Variants in FGF9 observed in about 807,000 individuals in gnomAD.
FGF9 encodes the protein fibroblast growth factor 9 (glia-activating factor).
A neutral mutation model predicts 19.9 loss-of-function variants in FGF9; 3 were observed. The observed-to-expected ratio is 0.15, with a 90% confidence interval of 0.07 to 0.39. The LOEUF (loss-of-function observed/expected upper bound fraction) is 0.39. Among genes scored for constraint, FGF9 ranks in the 10% least tolerant of loss-of-function variants. The pLI is 1.00. For synonymous variants in FGF9, 107 were observed against 106.9 expected (o/e 1.00, Z -0.01); for missense variants, 175 against 256.8 (o/e 0.68, Z 2.18).
chr13:21,672,575 T>C lies in FGF9; in HGVS notation c.277+386T>C, dbSNP rs1017400489. ...CTACTAAGAACTTAATGCAGTTTCTTGAAGGCAGTGGGTATCTTGTGCCCA... is the reference window on the plus strand; with the variant it reads ...CTACTAAGAACTTAATGCAGTTTCTCGAAGGCAGTGGGTATCTTGTGCCCA... On this transcript the variant is annotated intron_variant, in intron 1 of 2. Transcript: ENST00000382353. The surrounding 1 kb of genome is among the most constrained non-coding windows in gnomAD (Gnocchi z 4.2). Among the ~76,000 whole-genome samples the C allele has an allele frequency of 2.0e-5, 3 of 152,248 alleles. No individual in the cohort carries two copies. Among genetic ancestry groups the C allele is most frequent in the Non-Finnish European group, 4.4e-5 (3 of 68,022 alleles).
intron 2 of FGF9, among the ~76,000 whole-genome samples, chr13:21,688,072 A>G (rs1009460906): frequency 6.6e-6 from 1 of 152,198 alleles, no homozygotes; most frequent in Non-Finnish European, 1.5e-5. Flanking sequence ...CATGCAGTTC[A>G]TCAGAGACCC....
At chr13:21,676,331 G>T (rs1004893455) in intron 1 of FGF9, among the ~76,000 whole-genome samples, 1 of 152,048 alleles carries the variant, frequency 6.6e-6, no homozygotes, top group Non-Finnish European at 1.5e-5. Flanking sequence ...TTACTAGAGG[G>T]GAGAAATATG....
chr13:21,680,391 A>G (rs1361656894), intron 1 of FGF9, among the ~76,000 whole-genome samples: 2 of 152,138 alleles, frequency 1.3e-5, no homozygotes, highest in East Asian at 1.9e-4. Flanking sequence ...GTATAAACCA[A>G]TCAAGGCTTT....
chr13:21,675,103 A>C (rs1338169930), intron 1 of FGF9, among the ~76,000 whole-genome samples: 3 of 149,566 alleles, frequency 2.0e-5, no homozygotes, highest in Non-Finnish European at 4.5e-5. Context: ...CAGGTTGGGG[A>C]CTGGGGGCGC....
At chr13:21,687,832 G>T (rs1272782399) in intron 2 of FGF9, among the ~76,000 whole-genome samples, 1 of 152,212 alleles carries the variant, frequency 6.6e-6, no homozygotes, top group Non-Finnish European at 1.5e-5. Flanking sequence ...ATTCTTGGGG[G>T]ACAGTTATGT....
At chr13:21,692,207 T>G (rs1326970788) in intron 2 of FGF9, among the ~76,000 whole-genome samples, 1 of 152,242 alleles carries the variant, frequency 6.6e-6, no homozygotes, top group Non-Finnish European at 1.5e-5. Context: ...CATAATCAGC[T>G]GTCCGCTCTC....
At position 21,700,018 on chromosome 13, in the gene FGF9, GT is replaced by G. The variant is rs1198086254; in HGVS notation, c.382-1171del. Among the ~76,000 whole-genome samples, 19 of 5,684 alleles carry G rather than the reference GT, an allele frequency of 3.3e-3. No homozygotes were observed. In the East Asian group the frequency reaches 0.17, roughly 50 times the overall value. The allele number at this position is 5,684 out of a possible 152,430, so 3.7% of individuals were successfully genotyped here. On this transcript the variant is annotated intron_variant, in intron 2 of 2. Coordinates refer to ENST00000382353, the MANE Select transcript of FGF9 (RefSeq NM_002010.3). ...CGTGTTCACAGCTTTGGGATGTGGTGTGTGTGTGTGTGTGTGTGTGTGTGTG... is the reference window on the plus strand; with the variant it reads ...CGTGTTCACAGCTTTGGGATGTGGTGGTGTGTGTGTGTGTGTGTGTGTGTG...
intron 1 of FGF9, among the ~76,000 whole-genome samples, chr13:21,678,690 A>C (rs1361354335): frequency 6.6e-6 from 1 of 152,222 alleles, no homozygotes; most frequent in East Asian, 1.9e-4. Context: ...TGTGCAGGGA[A>C]AGCAGAAAGA....
At position 21,702,795 on chromosome 13, in the gene FGF9, C is replaced by G. The variant is rs564490885; in HGVS notation, c.*1360C>G. On this transcript the variant is annotated 3_prime_UTR_variant, in exon 3 of 3. Transcript: ENST00000382353. Reference sequence around the variant, plus strand: ...GTCATAATTACGTGGTAATAGCACCCTTAGTAAAACTTGCAAAATGAAACT... The same window carrying G: ...GTCATAATTACGTGGTAATAGCACCGTTAGTAAAACTTGCAAAATGAAACT... 6.6e-6 allele frequency: 1 copy of G among 152,094 alleles called. No homozygotes were observed. The allele number at this position is 152,094 out of a possible 1,614,324, so 9.4% of individuals were successfully genotyped here.
chr13:21,698,844 A>G (rs1872476120), intron 2 of FGF9, among the ~76,000 whole-genome samples: 1 of 152,224 alleles, frequency 6.6e-6, no homozygotes, highest in Non-Finnish European at 1.5e-5. Flanking sequence ...TGTCCCTTGT[A>G]GAACTAAAAG....
intron 2 of FGF9, among the ~76,000 whole-genome samples, chr13:21,697,500 G>A (rs1342669854): frequency 6.6e-6 from 1 of 152,152 alleles, no homozygotes; most frequent in Non-Finnish European, 1.5e-5. Context: ...TTATGTGTGT[G>A]CGTGAACGAT....
chr13:21,696,834 G>T (rs899530473), intron 2 of FGF9, among the ~76,000 whole-genome samples: 1 of 152,068 alleles, frequency 6.6e-6, no homozygotes, highest in Admixed American at 6.6e-5. Context: ...TTGCTACTCC[G>T]TCTAAAACAA....
At chr13:21,689,626 A>T (rs1005538399) in intron 2 of FGF9, among the ~76,000 whole-genome samples, 1 of 152,174 alleles carries the variant, frequency 6.6e-6, no homozygotes, top group Admixed American at 6.5e-5. Flanking sequence ...TAGTAATTGC[A>T]CTTCTAAGTG....
intron 2 of FGF9, among the ~76,000 whole-genome samples, chr13:21,689,617 A>G (rs1872241809): frequency 6.6e-6 from 1 of 152,208 alleles, no homozygotes; most frequent in East Asian, 1.9e-4. Context: ...CCCACATGCT[A>G]GTAATTGCAC....
At chr13:21,677,456 A>G (rs1024139331) in intron 1 of FGF9, among the ~76,000 whole-genome samples, 8 of 152,178 alleles carry the variant, frequency 5.3e-5, no homozygotes, top group African/African-American at 1.9e-4. Flanking sequence ...ATGTGAGCAG[A>G]TAACATGTGG....
At chr13:21,695,943 A>G (rs1014821651) in intron 2 of FGF9, among the ~76,000 whole-genome samples, 2 of 152,234 alleles carry the variant, frequency 1.3e-5, no homozygotes, top group Admixed American at 6.5e-5. Context: ...AAACGACACC[A>G]CATGTTTATT....
chr13:21,691,970 C>T lies in FGF9; in HGVS notation c.382-9220C>T, dbSNP rs989084299. Among the ~76,000 whole-genome samples, 3 of 137,984 alleles carry T rather than the reference C, an allele frequency of 2.2e-5. No homozygotes were observed. Among genetic ancestry groups the T allele is most frequent in the African/African-American group, 9.1e-5 (3 of 33,010 alleles). The allele number at this position is 137,984 out of a possible 152,430, so 90.5% of individuals were successfully genotyped here. On this transcript the variant is annotated intron_variant, in intron 2 of 2. Transcript: ENST00000382353. The surrounding 1 kb of genome is among the most constrained non-coding windows in gnomAD (Gnocchi z 4.2). ...TTACGATCCTGACATTAATTGATTC[C>T]CTTTTAATCTTTTTTTTTTTTTTGT... is the stretch of plus-strand genomic sequence containing the variant.
At position 21,671,343 on chromosome 13, in the gene FGF9, G is replaced by A. The variant is rs1327793063; in HGVS notation, c.-570G>A. ...TATCATTTTTTGGAGGGGGGACCGG[G>A]AGGGGAGATTTGTCGCCGCCACCAA... On this transcript the variant is annotated 5_prime_UTR_variant, in exon 1 of 3. Transcript: ENST00000382353. 1.0e-5 allele frequency: 4 copies of A among 393,900 alleles called. No individual in the cohort carries two copies. Among genetic ancestry groups the A allele is most frequent in the Non-Finnish European group, 4.5e-6 (1 of 224,028 alleles). The allele number at this position is 393,900 out of a possible 1,614,324, so 24.4% of individuals were successfully genotyped here.
chr13:21,695,913 T>C (rs1012127370), intron 2 of FGF9, among the ~76,000 whole-genome samples: 2 of 152,194 alleles, frequency 1.3e-5, no homozygotes, highest in African/African-American at 4.8e-5. Context: ...TTGAGTAGAA[T>C]AAATGCAAAC....
Sources: allele counts gnomAD v4.1 joint callset (sites outside exome capture counted in the v4.1 genomes callset), GRCh38; gene constraint gnomAD v4.1.1; non-coding constraint Gnocchi (gnomAD v3.1); transcripts MANE v1.5; gene names NCBI Gene and HGNC (gene_info 2026-07-23, HGNC 2026-07-21).